Variants in GSE1 observed in about 807,000 individuals in gnomAD.
GSE1 encodes Gse1 coiled-coil protein, also known as genetic suppressor element 1.
GSE1 carries 32 observed loss-of-function variants against 112.6 expected under a neutral mutation model. The observed-to-expected ratio is 0.28, with a 90% CI of 0.21 to 0.38. The LOEUF is 0.38. Ranked by LOEUF, GSE1 falls within the 10% of genes least tolerant of loss-of-function variation. The probability of loss-of-function intolerance (pLI) is 1.00; values close to 1 mark genes in which losing one functional copy is unlikely to be tolerated. For synonymous variants in GSE1, 1,115 were observed against 735.6 expected, an observed-to-expected ratio of 1.52 and a Z score of -8.35; for missense variants, 2,348 against 1,699.2, an observed-to-expected ratio of 1.38 and a Z score of -6.71.
chr16:85,654,574 G>A (rs774602643), intron 4 of GSE1, 124 bp downstream of exon 4: 10 of 885,086 alleles, frequency 1.1e-5, no homozygotes, highest in Admixed American at 2.4e-5. Context: ...GTTGTCGGCC[G>A]CTGAGCCCTG....
chr16:85,370,710 G>A (rs1405035961), intron 2 of GSE1, among the ~76,000 whole-genome samples: 1 of 152,056 alleles, frequency 6.6e-6, no homozygotes, highest in African/African-American at 2.4e-5. Context: ...CCCAACCCAG[G>A]GCTGGACACT....
intron 2 of GSE1, among the ~76,000 whole-genome samples, chr16:85,647,124 C>A (rs1390118849): frequency 6.6e-6 from 1 of 152,214 alleles, no homozygotes; most frequent in African/African-American, 2.4e-5. Context: ...TCCCCGTCCT[C>A]CCCGGTCCAA....
chr16:85,275,284 C>T (rs12599713), intron 1 of GSE1, among the ~76,000 whole-genome samples: 22,854 of 152,164 alleles, frequency 0.15, 2,248 homozygotes, highest in East Asian at 0.37. Flanking sequence ...AGCCCCCGTT[C>T]CTCCACACCG....
Position 85,273,759 on chromosome 16 carries a change from G to A in GSE1, c.2284-83704G>A, listed in dbSNP as rs555348710. On this transcript the variant is annotated intron_variant, in intron 1 of 2. Coordinates refer to the GSE1 transcript ENST00000637419. ...GTCTGGAGTGCAGTGGTGCGATCTCGGCTCACTGCAACCTCTGCCTCCTGG... is the reference window on the plus strand; with the variant it reads ...GTCTGGAGTGCAGTGGTGCGATCTCAGCTCACTGCAACCTCTGCCTCCTGG... Among the ~76,000 whole-genome samples the A allele has an allele frequency of 4.7e-3, 709 of 151,714 alleles. 10 individuals are homozygous for A. The highest frequency in any genetic ancestry group is 0.017 in the African/African-American group (689 of 41,368).
chr16:85,403,624 T>C (rs1322449742), intron 2 of GSE1, among the ~76,000 whole-genome samples: 2 of 151,824 alleles, frequency 1.3e-5, no homozygotes, highest in East Asian at 1.9e-4. Flanking sequence ...ACCCTGTCTC[T>C]ACAAAAATAA....
chr16:85,489,771 G>A (rs1267577162), intron 2 of GSE1: 1 of 152,292 alleles, frequency 6.6e-6, no homozygotes, highest in Non-Finnish European at 1.5e-5. Context: ...TTGGAAATTG[G>A]GTTTTTGCAG....
intron 1 of GSE1, among the ~76,000 whole-genome samples, chr16:85,274,079 G>T (rs1374405275): frequency 6.6e-6 from 1 of 151,084 alleles, no homozygotes; most frequent in Non-Finnish European, 1.5e-5. Flanking sequence ...CCACTGAATT[G>T]TACACTTGAA....
chr16:85,266,461 G>A (rs780732497), intron 1 of GSE1, among the ~76,000 whole-genome samples: 1 of 152,294 alleles, frequency 6.6e-6, no homozygotes, highest in African/African-American at 2.4e-5. Context: ...GGCTGGCACC[G>A]AGGGTCTCCG....
At chr16:85,528,195 G>T (rs895663923) in intron 2 of GSE1, among the ~76,000 whole-genome samples, 8 of 152,386 alleles carry the variant, frequency 5.2e-5, no homozygotes, top group African/African-American at 1.9e-4. Context: ...TGCAATGAGG[G>T]CCTCGAACAA....
At chr16:85,308,879 C>A (rs1002625674) in intron 1 of GSE1, among the ~76,000 whole-genome samples, 1 of 147,734 alleles carries the variant, frequency 6.8e-6, no homozygotes, top group Non-Finnish European at 1.5e-5. Context: ...TGGGACTGTG[C>A]TATCTCGGAT....
chr16:85,353,220 C>T (rs1322653191), intron 1 of GSE1, among the ~76,000 whole-genome samples: 4 of 152,154 alleles, frequency 2.6e-5, no homozygotes, highest in Admixed American at 6.6e-5. Context: ...CCTGGGGACT[C>T]GACCGGGGAA....
intron 1 of GSE1, among the ~76,000 whole-genome samples, chr16:85,331,551 A>ATATGTGTATC (rs2046360552): frequency 3.3e-5 from 3 of 90,540 alleles, no homozygotes; most frequent in African/African-American, 1.3e-4. Context: ...ATGTGTGTAT[A>ATATGTGTATC]TATGTGTATA....
intron 2 of GSE1, among the ~76,000 whole-genome samples, chr16:85,485,677 C>T (rs1410947143): frequency 6.6e-6 from 1 of 152,254 alleles, no homozygotes; most frequent in Non-Finnish European, 1.5e-5. Flanking sequence ...CAGCTTGTCA[C>T]TCGCGAGGTG....
At chr16:85,297,105 G>C (rs2930234) in intron 1 of GSE1, among the ~76,000 whole-genome samples, 81,980 of 152,154 alleles carry the variant, frequency 0.54, 23,517 homozygotes, top group African/African-American at 0.74. Flanking sequence ...GTGCAGTGAT[G>C]CCAGTGAATC....
Position 85,655,809 on chromosome 16 carries a change from C to A in GSE1, c.881C>A (p.Pro294Gln), listed in dbSNP as rs1230647959. 1 of 1,609,916 alleles carries A rather than the reference C, an allele frequency of 6.2e-7. No individual in the cohort carries two copies. Among genetic ancestry groups the A allele is most frequent in the Non-Finnish European group, 8.5e-7 (1 of 1,177,948 alleles). Residue 294 changes from proline to glutamine, a missense_variant, in exon 6 of 16, where the codon CCA (proline) becomes CAA (glutamine). Physicochemically the swap from Pro to Gln is moderately conservative, Grantham distance 76. Transcript: ENST00000253458. ...PTPGSLPPLH[P>Q]SAMHLHLSGV... ...CCCGGCTCCCTGCCCCCACTGCACC[C>A]ATCAGCGATGCACCTGCACCTCTCT...
At chr16:85,516,586 CAAA>C (rs35709045) in intron 2 of GSE1, among the ~76,000 whole-genome samples, 19 of 80,452 alleles carry the variant, frequency 2.4e-4, no homozygotes, top group East Asian at 1.0e-3. Context: ...GACCCTGTCT[CAAA>C]AAAAAAAAAA....
In GSE1 at chr16:85,660,376, C is replaced by A. The variant is rs183301036; in HGVS notation, c.1641-770C>A. ...GGAGGGCCGGGCACAGTGGCTCACT[C>A]CTGTAATCCCAGCACTTCGGGAGGC... On this transcript the variant is annotated intron_variant, in intron 8 of 15. Coordinates refer to ENST00000253458, the MANE Select transcript of GSE1 (RefSeq NM_014615.5). 5.4e-3 allele frequency among the ~76,000 whole-genome samples: 825 copies of A among 152,296 alleles called. 10 individuals carry two copies. Among genetic ancestry groups the A allele is most frequent in the Non-Finnish European group, 4.9e-3 (334 of 68,030 alleles).
chr16:85,555,954 C>A, upstream of GSE1: 1 of 984,806 alleles, frequency 1.0e-6, no homozygotes, highest in Non-Finnish European at 1.2e-6. Flanking sequence ...GCTCCCCCCT[C>A]CTTTTTTTTA....
intron 2 of GSE1, among the ~76,000 whole-genome samples, chr16:85,510,407 C>CGT (rs1555524666): frequency 6.7e-6 from 1 of 149,302 alleles, no homozygotes; most frequent in African/African-American, 2.5e-5. Flanking sequence ...CCCGAGCGTG[C>CGT]GTGTGTGTGT....
Sources: gnomAD v4.1 joint callset for allele counts (sites outside exome capture counted in the v4.1 genomes callset) on GRCh38, gnomAD v4.1.1 for gene constraint, MANE v1.5 for transcripts, NCBI Gene and HGNC (gene_info 2026-07-23, HGNC 2026-07-21) for gene names.